STPG2: variants seen among roughly 807,000 people sequenced by gnomAD.
The protein encoded by STPG2 is sperm-tail PG-rich repeat-containing protein 2.
STPG2 carries 56 observed loss-of-function variants against 54.2 expected under a neutral mutation model. The ratio of observed to expected loss-of-function variants is 1.03; its 90% CI spans 0.83 to 1.29. The LOEUF is 1.29. STPG2 is among the 50% of genes most tolerant of loss of function. The pLI is 0.00. For synonymous variants in STPG2, 200 were observed against 181.8 expected (o/e 1.10, Z -0.81); for missense variants, 596 against 544.9 (o/e 1.09, Z -0.93).
intron 9 of STPG2, among the ~76,000 whole-genome samples, chr4:97,728,903 A>G (rs915455123): frequency 1.3e-5 from 2 of 151,644 alleles, no homozygotes; most frequent in Admixed American, 6.6e-5. Context: ...ATGTGCATGC[A>G]TGTGTGTGTG....
At chr4:97,795,458 G>A (rs918806192) in intron 9 of STPG2, among the ~76,000 whole-genome samples, 1 of 152,048 alleles carries the variant, frequency 6.6e-6, no homozygotes, top group Non-Finnish European at 1.5e-5. Context: ...TTGGTTTTTT[G>A]TCCTTGTGAT....
At position 97,886,724 on chromosome 4, in the gene STPG2, G is replaced by T. The variant is rs10029409; in HGVS notation, c.1045-45792C>A. On this transcript the variant is annotated intron_variant, in intron 8 of 10. Transcript: ENST00000295268. Reference sequence around the variant, plus strand: ...CTTCTCTTTCATATCAACTAATTTGGTTATTGATATGGTTTGGATCTGTGT... The same window carrying T: ...CTTCTCTTTCATATCAACTAATTTGTTTATTGATATGGTTTGGATCTGTGT... Among the ~76,000 whole-genome samples, 428 of 152,068 alleles carry T rather than the reference G, an allele frequency of 2.8e-3. 3 individuals are homozygous for T. The highest frequency in any genetic ancestry group is 9.7e-3 in the African/African-American group (404 of 41,492).
At chr4:97,715,653 A>T (rs1724261404) in intron 9 of STPG2, among the ~76,000 whole-genome samples, 1 of 152,156 alleles carries the variant, frequency 6.6e-6, no homozygotes, top group African/African-American at 2.4e-5. Flanking sequence ...AAATAATGTA[A>T]TCATTCTTAC....
chr4:98,080,264 A>T (rs561804480), intron 5 of STPG2, among the ~76,000 whole-genome samples: 77 of 152,114 alleles, frequency 5.1e-4, no homozygotes, highest in African/African-American at 1.7e-3. Flanking sequence ...TACTTTATTT[A>T]CCTTTTTTTT....
At chr4:97,684,535 C>G (rs115362252) in intron 10 of STPG2, among the ~76,000 whole-genome samples, 1 of 151,712 alleles carries the variant, frequency 6.6e-6, no homozygotes, top group Admixed American at 6.6e-5. Context: ...GACATTCACA[C>G]GCAAAAAATA....
chr4:97,886,722 T>A (rs1730582236), intron 8 of STPG2, among the ~76,000 whole-genome samples: 1 of 152,302 alleles, frequency 6.6e-6, no homozygotes, highest in South Asian at 2.1e-4. Context: ...TCAACTAATT[T>A]GGTTATTGAT....
At chr4:97,822,892 A>G (rs1728132188) in intron 9 of STPG2, among the ~76,000 whole-genome samples, 1 of 152,210 alleles carries the variant, frequency 6.6e-6, no homozygotes, top group African/African-American at 2.4e-5. Flanking sequence ...AGTGGTCTAA[A>G]TTAAATAACA....
At chr4:98,083,778 G>A (rs945574206) in intron 5 of STPG2, among the ~76,000 whole-genome samples, 1 of 152,170 alleles carries the variant, frequency 6.6e-6, no homozygotes, top group African/African-American at 2.4e-5. Context: ...TCACCGTAAT[G>A]AAGATATAGA....
intron 9 of STPG2, among the ~76,000 whole-genome samples, chr4:97,764,217 T>G (rs2149056411): frequency 6.6e-6 from 1 of 151,238 alleles, no homozygotes; most frequent in Middle Eastern, 3.4e-3. Flanking sequence ...AGTCCTCAAC[T>G]CAAATGGAAC....
intron 10 of STPG2, among the ~76,000 whole-genome samples, chr4:97,607,843 A>G (rs1187870231): frequency 6.6e-6 from 1 of 152,042 alleles, no homozygotes; most frequent in Non-Finnish European, 1.5e-5. Context: ...ATAAATAGGT[A>G]TCTGCCTGGG....
chr4:97,703,911 C>A (rs1394723294), intron 10 of STPG2, among the ~76,000 whole-genome samples: 1 of 151,240 alleles, frequency 6.6e-6, no homozygotes, highest in Non-Finnish European at 1.5e-5. Flanking sequence ...GCAAGGAGAG[C>A]CAGTCTGAGT....
intron 10 of STPG2, among the ~76,000 whole-genome samples, chr4:97,577,253 G>A (rs937130665): frequency 6.6e-6 from 1 of 152,110 alleles, no homozygotes; most frequent in Non-Finnish European, 1.5e-5. Flanking sequence ...TACAGCCAAA[G>A]GAAAAGAAAT....
chr4:97,754,233 AT>A (rs1725663632), intron 9 of STPG2, among the ~76,000 whole-genome samples: 1 of 152,148 alleles, frequency 6.6e-6, no homozygotes, highest in South Asian at 2.1e-4. Flanking sequence ...TGAGTGGTTT[AT>A]CTGAGCTTCC....
At chr4:97,829,917 T>C (rs1401700028) in intron 9 of STPG2, among the ~76,000 whole-genome samples, 5 of 152,152 alleles carry the variant, frequency 3.3e-5, no homozygotes, top group East Asian at 1.9e-4. Flanking sequence ...CTGAAAGTGA[T>C]GGGGAGAATA....
In STPG2 at chr4:97,482,313, A is replaced by T. The variant is rs74377503; in HGVS notation, c.462+230386T>A. 2.0e-3 allele frequency among the ~76,000 whole-genome samples: 303 copies of T among 151,738 alleles called. 1 individual carries two copies. Among genetic ancestry groups the T allele is most frequent in the African/African-American group, 7.2e-3 (299 of 41,488 alleles). ...TTTCTTTAATTAATAGCAAAAAATG[A>T]TACAAAAAGTGAAGGGAGAAATAGT... On this transcript the variant is annotated intron_variant, in intron 4 of 4. Coordinates refer to the STPG2 transcript ENST00000522676.
chr4:97,467,245 A>G (rs1385486652), intron 4 of STPG2, among the ~76,000 whole-genome samples: 2 of 151,984 alleles, frequency 1.3e-5, no homozygotes, highest in Non-Finnish European at 2.9e-5. Flanking sequence ...TGGCAATCAT[A>G]AAAGAGGTTT....
chr4:97,923,809 G>T (rs1042011650), intron 8 of STPG2, among the ~76,000 whole-genome samples: 1 of 152,150 alleles, frequency 6.6e-6, no homozygotes, highest in Admixed American at 6.5e-5. Flanking sequence ...AGCTAATCTA[G>T]TGGAGAACTT....
At chr4:98,118,066 G>A (rs950176887) in intron 3 of STPG2, among the ~76,000 whole-genome samples, 2 of 151,940 alleles carry the variant, frequency 1.3e-5, no homozygotes, top group African/African-American at 4.8e-5. Context: ...CTACCCTGAG[G>A]GTTTGTTTAG....
At chr4:97,773,974 ACT>A (rs1726295414) in intron 9 of STPG2, among the ~76,000 whole-genome samples, 1 of 147,916 alleles carries the variant, frequency 6.8e-6, no homozygotes, top group South Asian at 2.2e-4. Context: ...ACATGGCAAG[ACT>A]CTGCCTCTAA....
Sources: gnomAD v4.1 joint callset for allele counts (sites outside exome capture counted in the v4.1 genomes callset) on GRCh38, gnomAD v4.1.1 for gene constraint, MANE v1.5 for transcripts, NCBI Gene and HGNC (gene_info 2026-07-23, HGNC 2026-07-21) for gene names.